Variants in CNOT4 observed in about 807,000 individuals in gnomAD.
CNOT4 encodes the protein CCR4-associated factor 4.
Under a neutral mutation model 73.8 loss-of-function variants are expected in CNOT4, and 8 were observed. The ratio of observed to expected loss-of-function variants is 0.11; its 90% CI spans 0.06 to 0.20. The LOEUF (loss-of-function observed/expected upper bound fraction) is 0.20, where lower values mean the gene tolerates loss of function less well. CNOT4 is among the 10% of genes least tolerant of loss of function. CNOT4 has a pLI of 1.00. For missense variants in CNOT4, 564 were observed against 883.4 expected (o/e 0.64, Z 4.58); for synonymous variants, 293 against 321.1 (o/e 0.91, Z 0.94).
At chr7:135,501,437 G>A (rs973283014) in intron 1 of CNOT4, among the ~76,000 whole-genome samples, 1 of 152,022 alleles carries the variant, frequency 6.6e-6, no homozygotes, top group Non-Finnish European at 1.5e-5. Flanking sequence ...GTCACTTTAG[G>A]GCATGAGGGA....
chr7:135,400,375 ATACTT>A (rs986688879), intron 7 of CNOT4, among the ~76,000 whole-genome samples: 1 of 152,098 alleles, frequency 6.6e-6, no homozygotes, highest in African/African-American at 2.4e-5. Flanking sequence ...AACTTGCACT[ATACTT>A]AATACTATGG....
At chr7:135,424,370 C>T (rs1340105188) in intron 2 of CNOT4, among the ~76,000 whole-genome samples, 1 of 152,126 alleles carries the variant, frequency 6.6e-6, no homozygotes, top group Non-Finnish European at 1.5e-5. Flanking sequence ...TAAAAGTGAA[C>T]TATATATTAA....
chr7:135,499,094 T>C (rs1027033367), intron 1 of CNOT4, among the ~76,000 whole-genome samples: 9 of 152,170 alleles, frequency 5.9e-5, no homozygotes, highest in Non-Finnish European at 7.3e-5. Context: ...TATTAAAAGA[T>C]AGGGAGTGCC....
At chr7:135,508,999 A>T (rs1485467394) in intron 1 of CNOT4, 1 of 152,256 alleles carries the variant, frequency 6.6e-6, no homozygotes, top group African/African-American at 2.4e-5. Context: ...CACAGAAAGC[A>T]AAACGAAAAC....
intron 1 of CNOT4, among the ~76,000 whole-genome samples, chr7:135,472,271 A>T: frequency 6.7e-6 from 1 of 149,350 alleles, no homozygotes; most frequent in East Asian, 2.0e-4. Flanking sequence ...AGGTCAGGAG[A>T]TCGAGACCAT....
intron 2 of CNOT4, among the ~76,000 whole-genome samples, chr7:135,437,158 G>C (rs1161353646): frequency 6.6e-6 from 1 of 152,054 alleles, no homozygotes; most frequent in East Asian, 1.9e-4. Context: ...AAAAATAATA[G>C]ATTTTTAGAG....
chr7:135,479,870 A>G (rs978956043), intron 1 of CNOT4, among the ~76,000 whole-genome samples: 1 of 152,200 alleles, frequency 6.6e-6, no homozygotes, highest in South Asian at 2.1e-4. Context: ...AGGCTGGGTG[A>G]CAGAGTGAGA....
At chr7:135,387,221 G>A (rs1036595424) in intron 10 of CNOT4, 1 of 984,568 alleles carries the variant, frequency 1.0e-6, no homozygotes, top group African/African-American at 1.7e-5. Context: ...ATGTCTTAAA[G>A]TCACTTCTAG....
chr7:135,494,170 T>C (rs967793729), intron 1 of CNOT4, among the ~76,000 whole-genome samples: 1 of 151,442 alleles, frequency 6.6e-6, no homozygotes, highest in African/African-American at 2.4e-5. Flanking sequence ...CTGGCTTCTC[T>C]AAAAAAGTAC....
chr7:135,461,480 G>GA (rs1800869647), intron 1 of CNOT4, among the ~76,000 whole-genome samples: 1 of 152,082 alleles, frequency 6.6e-6, no homozygotes, highest in Admixed American at 6.6e-5. Context: ...TATCATCATC[G>GA]AATTGTCCTT....
chr7:135,362,735 A>G lies in CNOT4; in HGVS notation c.*150T>C. 1.2e-6 allele frequency: 1 copy of G among 807,060 alleles called. No individual in the cohort carries two copies. The highest frequency in any genetic ancestry group is 2.2e-6 in the Non-Finnish European group (1 of 453,794). 50.0% of individuals were successfully genotyped at this position (807,060 alleles called of 1,614,324 possible). A position where few individuals can be genotyped will look rare whatever the true frequency, so the allele number is the denominator to read the frequency against. On this transcript the variant is annotated 3_prime_UTR_variant, in exon 12 of 12. Transcript: ENST00000541284. ...GAGATGGTAATGACCCTGTGATCGC[A>G]TTGCATCTGGGGTTAGGGAGAAAAA...
chr7:135,447,521 CCTCT>C (rs1480544105), intron 1 of CNOT4, among the ~76,000 whole-genome samples: 5 of 152,176 alleles, frequency 3.3e-5, no homozygotes, highest in Middle Eastern at 3.2e-3. Flanking sequence ...CTGCTTTCTA[CCTCT>C]CTATCACTTT....
chr7:135,476,973 A>C (rs1298482370), intron 1 of CNOT4, among the ~76,000 whole-genome samples: 1 of 152,170 alleles, frequency 6.6e-6, no homozygotes, highest in Non-Finnish European at 1.5e-5. Flanking sequence ...AACTTTTACC[A>C]ATAGTTATCT....
intron 1 of CNOT4, among the ~76,000 whole-genome samples, chr7:135,465,556 G>T (rs1250326067): frequency 6.6e-6 from 1 of 152,082 alleles, no homozygotes; most frequent in African/African-American, 2.4e-5. Flanking sequence ...ATGAAAAAAA[G>T]TTAACCGGAA....
chr7:135,414,453 T>G (rs1242766799), intron 4 of CNOT4, 21 bp from the exon 5 acceptor site: 2 of 1,008,670 alleles, frequency 2.0e-6, no homozygotes, highest in African/African-American at 3.2e-5. Context: ...AACATCCCAT[T>G]CCACTGTTAT....
rs183762264 is a variant in CNOT4, at chr7:135,398,992, A to G, written c.822-766T>C. Among the ~76,000 whole-genome samples, 7 of 152,270 alleles carry G rather than the reference A, an allele frequency of 4.6e-5. No individual in the cohort carries two copies. The East Asian group carries it at 1.3e-3, about 29-fold the overall frequency. On this transcript the variant is annotated intron_variant, in intron 7 of 11. Transcript: ENST00000541284. ...TTTTGGGCAAACTACTGATTCAAAC[A>G]AAAACATTAACATTTTATTTTCACA...
At chr7:135,497,101 C>A (rs1803637169) in intron 1 of CNOT4, among the ~76,000 whole-genome samples, 1 of 151,850 alleles carries the variant, frequency 6.6e-6, no homozygotes, top group South Asian at 2.1e-4. Context: ...GCCACTGCAC[C>A]CAGCTCTTTT....
chr7:135,462,903 TAAAGGGATTAAATAATGTG>T (rs1398734495), intron 1 of CNOT4, among the ~76,000 whole-genome samples: 3 of 152,226 alleles, frequency 2.0e-5, no homozygotes, highest in African/African-American at 2.4e-5. Flanking sequence ...CAACGGATTT[TAAAGGGATTAAATAATGTG>T]ATAACCTTCA....
chr7:135,495,661 C>A (rs1162888591), intron 1 of CNOT4, among the ~76,000 whole-genome samples: 1 of 103,996 alleles, frequency 9.6e-6, no homozygotes, highest in Non-Finnish European at 1.8e-5. Context: ...CAGAGTGAGA[C>A]CCTGTGTCAA....
Sources: allele counts gnomAD v4.1 joint callset (sites outside exome capture counted in the v4.1 genomes callset), GRCh38; gene constraint gnomAD v4.1.1; transcripts MANE v1.5; gene names NCBI Gene and HGNC (gene_info 2026-07-23, HGNC 2026-07-21).